Variants in COPE observed in about 807,000 individuals in gnomAD.
COPE encodes the protein coatomer subunit epsilon.
In COPE, 19 loss-of-function variants were observed where a neutral mutation model predicts 42.1. The ratio of observed to expected loss-of-function variants is 0.45; its 90% CI spans 0.31 to 0.66. COPE has a LOEUF of 0.66. Ranked by LOEUF, COPE falls within the 30% of genes least tolerant of loss-of-function variation. COPE has a pLI of 0.05. For missense variants in COPE, 402 were observed against 416.1 expected, an observed-to-expected ratio of 0.97 and a Z score of 0.30; for synonymous variants, 195 against 181.3, an observed-to-expected ratio of 1.08 and a Z score of -0.60.
chr19:18,910,897 C>T (rs2056803240), intron 3 of COPE, 74 bp downstream of exon 3: 2 of 1,334,376 alleles, frequency 1.5e-6, no homozygotes, highest in Non-Finnish European at 2.1e-6. Flanking sequence ...ATGCCCCCAC[C>T]CACCCAGGTT....
intron 1 of COPE, among the ~76,000 whole-genome samples, chr19:18,918,943 A>G (rs2056884687): frequency 6.6e-6 from 1 of 152,240 alleles, no homozygotes; most frequent in African/African-American, 2.4e-5. Flanking sequence ...GGCTGAACAA[A>G]ATAGGCTTAT....
At chr19:18,904,389 C>T (rs1034909544) in intron 6 of COPE, among the ~76,000 whole-genome samples, 1 of 152,202 alleles carries the variant, frequency 6.6e-6, no homozygotes, top group African/African-American at 2.4e-5. Context: ...ACATCTCCAC[C>T]GCTGCTATGG....
In COPE at chr19:18,900,429, C is replaced by T. The variant is rs147079120; in HGVS notation, c.756G>A (p.Thr252=). 28 of 1,548,402 alleles carry T rather than the reference C, an allele frequency of 1.8e-5. No individual in the cohort carries two copies. In the Admixed American group the frequency reaches 2.4e-4, roughly 13 times the overall value. Reference sequence around the variant, plus strand: ...GGGACAGGACGATGAGGTTGACCAGCGTCTCTGGGTAGCCACTATCCTGGA... The same window carrying T: ...GGGACAGGACGATGAGGTTGACCAGTGTCTCTGGGTAGCCACTATCCTGGA... ...ALDKDSGYPE[T]LVNLIVLSQH... is the part of the protein sequence containing the mutation. Residue 252 remains threonine, a synonymous_variant, in exon 8 of 10, where the codon ACG becomes ACA. Coordinates refer to ENST00000262812, the MANE Select transcript of COPE (RefSeq NM_007263.4).
At chr19:18,911,154 C>T (rs2056806526) in intron 2 of COPE, 83 bp from the exon 3 acceptor site, 1 of 1,255,074 alleles carries the variant, frequency 8.0e-7, no homozygotes, top group African/African-American at 1.5e-5. Flanking sequence ...GAGCCCCAGA[C>T]AGGAAGTCCC....
At chr19:18,906,798 C>T (rs532380224) in intron 4 of COPE, 162 bp downstream of exon 4, 71 of 802,512 alleles carry the variant, frequency 8.8e-5, no homozygotes, top group African/African-American at 7.1e-4. Flanking sequence ...GCCTCCCACA[C>T]TGGGCAGGGG....
At chr19:18,915,453 G>A (rs1203267793) in intron 1 of COPE, among the ~76,000 whole-genome samples, 4 of 152,230 alleles carry the variant, frequency 2.6e-5, no homozygotes, top group South Asian at 2.1e-4. Context: ...CTCTGGAACC[G>A]TTGTGGTTTT....
In COPE at chr19:18,904,772, G is replaced by C; in HGVS notation, c.578C>G (p.Thr193Arg). Residue 193 changes from threonine (T) to arginine (R), a missense_variant and splice_region_variant, in exon 6 of 10, where the codon ACG (threonine) becomes AGG (arginine). Coordinates refer to ENST00000262812, the MANE Select transcript of COPE (RefSeq NM_007263.4). Reference protein sequence around the residue: ...QLATAWVSLATGGEKLQDAYY... With the variant: ...QLATAWVSLARGGEKLQDAYY... ...CCCACCTCATGGCCTAGGGCTCACC[G>C]TGGCCAGGCTGACCCAGGCAGTGGC... The C allele has an allele frequency of 6.4e-7, 1 of 1,552,112 alleles. No homozygotes were observed. The highest frequency in any genetic ancestry group is 1.2e-5 in the South Asian group (1 of 84,134).
At position 18,900,420 on chromosome 19, in the gene COPE, G is replaced by A; in HGVS notation, c.765C>T (p.Asn255=). The stretch of plus-strand genomic sequence containing the variant: ...CCAGGTGCTGGGACAGGACGATGAG[G>A]TTGACCAGCGTCTCTGGGTAGCCAC... ...KDSGYPETLV[N]LIVLSQHLGK... Residue 255 remains asparagine, a synonymous_variant, in exon 8 of 10, where the codon AAC becomes AAT. Coordinates refer to ENST00000262812, the MANE Select transcript of COPE (RefSeq NM_007263.4). The A allele has an allele frequency of 9.0e-6, 14 of 1,549,318 alleles. No homozygotes were observed. Among genetic ancestry groups the A allele is most frequent in the Non-Finnish European group, 1.2e-5 (14 of 1,146,098 alleles).
At position 18,906,957 on chromosome 19, in the gene COPE, C is replaced by A; in HGVS notation, c.443+3G>T. 6.4e-7 allele frequency: 1 copy of A among 1,554,766 alleles called. No individual in the cohort carries two copies. On this transcript the variant is annotated splice_donor_region_variant and intron_variant, in intron 4 of 9. Transcript: ENST00000262812. ...CTGGCCCCAGAGCAGGGAGGCCACT[C>A]ACCACTCCAGGCTGTCCCCCTGGTG...
intron 1 of COPE, among the ~76,000 whole-genome samples, chr19:18,913,453 C>T (rs951555382): frequency 2.6e-5 from 4 of 152,222 alleles, no homozygotes; most frequent in African/African-American, 9.6e-5. Context: ...CAGCCCTGGC[C>T]AGGGGAGACC....
chr19:18,913,073 G>T (rs1195704940), intron 1 of COPE, 27 bp from the exon 2 acceptor site: 2 of 1,597,256 alleles, frequency 1.3e-6, no homozygotes, highest in Non-Finnish European at 1.7e-6. Flanking sequence ...GAGTCAGGAC[G>T]CACAGTGGGA....
chr19:18,913,141 C>T, intron 1 of COPE, 95 bp from the exon 2 acceptor site: 1 of 1,110,926 alleles, frequency 9.0e-7, no homozygotes, highest in Admixed American at 1.8e-5. Flanking sequence ...ACACTGGGGA[C>T]AGGTGGCTTC....
At chr19:18,904,955 C>G in intron 5 of COPE, 103 bp from the exon 6 acceptor site, 1 of 1,179,588 alleles carries the variant, frequency 8.5e-7, no homozygotes, top group Non-Finnish European at 1.2e-6. Context: ...TGGGGATGGC[C>G]CCTGCTTTGT....
intron 3 of COPE, 138 bp from the exon 4 acceptor site, chr19:18,907,250 T>C (rs1410102691): frequency 3.3e-6 from 3 of 904,816 alleles, no homozygotes; most frequent in African/African-American, 1.7e-5. Context: ...AGGCCGAGCA[T>C]CGAGCTGTCC....
Position 18,905,614 on chromosome 19 carries a change from C to A in COPE, c.459G>T (p.Val153=). ...GDSLECTAMT[V]QILLKLDRLD... ...GGCGGTCCAGCTTCAGCAGGATCTG[C>A]ACTGTCATGGCTGTGCTGCAGGACA... Residue 153 remains valine (V), a synonymous_variant, in exon 5 of 10, where the codon GTG becomes GTT. Coordinates refer to ENST00000262812, the MANE Select transcript of COPE (RefSeq NM_007263.4). 1 of 1,593,690 alleles carries A rather than the reference C, an allele frequency of 6.3e-7. No homozygotes were observed. Among genetic ancestry groups the A allele is most frequent in the Non-Finnish European group, 8.5e-7 (1 of 1,177,730 alleles).
At chr19:18,917,222 C>T (rs2056861397) in intron 1 of COPE, among the ~76,000 whole-genome samples, 1 of 144,182 alleles carries the variant, frequency 6.9e-6, no homozygotes, top group African/African-American at 2.5e-5. Context: ...AGAAAGCCTA[C>T]TAGAAACATT....
rs756229569 is a variant in COPE, at chr19:18,899,677, C to G, written c.*2G>C. 34 of 1,613,358 alleles carry G rather than the reference C, an allele frequency of 2.1e-5. No individual in the cohort carries two copies. Among genetic ancestry groups the G allele is most frequent in the Non-Finnish European group, 2.9e-5 (34 of 1,179,970 alleles). On this transcript the variant is annotated 3_prime_UTR_variant, in exon 10 of 10. Coordinates refer to ENST00000262812, the MANE Select transcript of COPE (RefSeq NM_007263.4). ...CATGGTCCTGACAGCTCTGGGCCAG[C>G]CTCAGGCGCTGGGAGCGTACTGTAG...
chr19:18,905,715 C>T, intron 4 of COPE, 86 bp from the exon 5 acceptor site: 2 of 1,386,702 alleles, frequency 1.4e-6, no homozygotes, highest in South Asian at 2.5e-5. Flanking sequence ...CTGTGTGTGT[C>T]TGGGATGTTC....
rs61215847 is a variant in COPE at position 18,918,204 on chromosome 19, G to GA, written c.126+1018dup. Reference sequence around the variant, plus strand: ...CTCCATCTCAAAAAAAAAAAAAAAAGAAAAGAAAAGAAAAGAAAAAAGAAA... The same window carrying GA: ...CTCCATCTCAAAAAAAAAAAAAAAAGAAAAAGAAAAGAAAAGAAAAAAGAAA... On this transcript the variant is annotated intron_variant, in intron 1 of 9. Coordinates refer to ENST00000262812, the MANE Select transcript of COPE (RefSeq NM_007263.4). 1.5e-4 allele frequency among the ~76,000 whole-genome samples: 17 copies of GA among 113,446 alleles called. 1 individual carries two copies. The highest frequency in any genetic ancestry group is 7.8e-4 in the Admixed American group (7 of 8,922). 74.4% of individuals were successfully genotyped at this position (113,446 alleles called of 152,430 possible). A position where few individuals can be genotyped will look rare whatever the true frequency, so the allele number is the denominator to read the frequency against.
Sources: gnomAD v4.1 joint callset for allele counts (sites outside exome capture counted in the v4.1 genomes callset) on GRCh38, gnomAD v4.1.1 for gene constraint, MANE v1.5 for transcripts, NCBI Gene and HGNC (gene_info 2026-07-23, HGNC 2026-07-21) for gene names.